Variants in LRP1B observed in about 807,000 individuals in gnomAD.
The protein encoded by LRP1B is low-density lipoprotein receptor-related protein 1B.
In LRP1B, 217 loss-of-function variants were observed where a neutral mutation model predicts 556.6. That is an observed-to-expected ratio of 0.39 (90% CI 0.35 to 0.44). LRP1B has a LOEUF of 0.44. LRP1B is among the 20% of genes least tolerant of loss of function. The probability of loss-of-function intolerance (pLI) is 1.00; values close to 1 mark genes in which losing one functional copy is unlikely to be tolerated. For missense variants in LRP1B, 5,053 were observed against 5,620.8 expected (o/e 0.90, Z 3.23); for synonymous variants, 2,047 against 1,865.8 (o/e 1.10, Z -2.50).
chr2:140,713,158 T>C (rs1184923203), intron 37 of LRP1B, among the ~76,000 whole-genome samples: 1 of 152,040 alleles, frequency 6.6e-6, no homozygotes, highest in Non-Finnish European at 1.5e-5. Context: ...GAGTATTTCC[T>C]CTCCAAACTT....
chr2:140,358,858 A>G lies in LRP1B; in HGVS notation c.11220T>C (p.Asp3740=). 3 of 1,609,324 alleles carry G rather than the reference A, an allele frequency of 1.9e-6. No individual in the cohort carries two copies. The highest frequency in any genetic ancestry group is 1.7e-6 in the Non-Finnish European group (2 of 1,176,416). The change falls in exon 73 of 91, where the codon GAT becomes GAC. Residue 3740 remains aspartate (D), a synonymous_variant. Transcript: ENST00000389484. ...CTTCATCTGAATTGTCACCGCATTC[A>G]TCAATCCCATTGCACATTTGCTCCG... ...LQSEQMCNGI[D]ECGDNSDEDH...
chr2:140,983,202 T>G (rs981842400), intron 17 of LRP1B, among the ~76,000 whole-genome samples: 3 of 152,088 alleles, frequency 2.0e-5, no homozygotes, highest in African/African-American at 7.2e-5. Flanking sequence ...CCCTCTGAAC[T>G]ACGAATATGT....
chr2:141,192,091 C>A (rs571791282), intron 6 of LRP1B, among the ~76,000 whole-genome samples: 7 of 151,862 alleles, frequency 4.6e-5, no homozygotes, highest in African/African-American at 1.7e-4. Flanking sequence ...AAGCCAAACA[C>A]TTAGTAACTA....
rs188848150 is a variant in LRP1B, at chr2:141,179,534, C to T, written c.1013+8887G>A. ...ATTATTTTAACATTCCACTGGGGTA[C>T]ATTTTATCTGTAGTTAATGGGTTTA... On this transcript the variant is annotated intron_variant, in intron 7 of 90. Coordinates refer to ENST00000389484, the MANE Select transcript of LRP1B (RefSeq NM_018557.3). Among the ~76,000 whole-genome samples, 80 of 152,084 alleles carry T rather than the reference C, an allele frequency of 5.3e-4. 1 individual carries two copies. The East Asian group carries it at 0.014, about 27-fold the overall frequency.
At chr2:141,197,287 GAAAAACCC>G (rs1418832178) in intron 6 of LRP1B, among the ~76,000 whole-genome samples, 19 of 152,150 alleles carry the variant, frequency 1.2e-4, no homozygotes, top group African/African-American at 4.6e-4. Context: ...AGCCCCACTG[GAAAAACCC>G]TACCTTCATT....
intron 2 of LRP1B, among the ~76,000 whole-genome samples, chr2:141,493,374 G>T (rs933581444): frequency 2.0e-5 from 3 of 152,120 alleles, no homozygotes; most frequent in Non-Finnish European, 4.4e-5. Context: ...GAGATGTCAA[G>T]ATTTTGAAGC....
At chr2:141,637,753 A>G (rs1257220624) in intron 2 of LRP1B, among the ~76,000 whole-genome samples, 1 of 152,148 alleles carries the variant, frequency 6.6e-6, no homozygotes, top group Admixed American at 6.5e-5. Flanking sequence ...TGATGTTTGG[A>G]TGTTTGCCCT....
intron 41 of LRP1B, among the ~76,000 whole-genome samples, chr2:140,622,053 A>C (rs1270815331): frequency 1.3e-5 from 2 of 152,204 alleles, no homozygotes; most frequent in Non-Finnish European, 2.9e-5. Flanking sequence ...TTCTCATTCA[A>C]TTTATTTACT....
chr2:140,907,757 TA>T, intron 22 of LRP1B, 119 bp downstream of exon 22: 1 of 898,396 alleles, frequency 1.1e-6, no homozygotes, highest in Non-Finnish European at 1.8e-6. Context: ...GGTTCAATGC[TA>T]AAAGCTACAT....
intron 24 of LRP1B, 21 bp downstream of exon 24, chr2:140,886,117 G>A (rs1693631101): frequency 6.9e-7 from 1 of 1,442,590 alleles, no homozygotes; most frequent in Non-Finnish European, 9.4e-7. Flanking sequence ...TAAACATTAA[G>A]AAAAATTATA....
chr2:141,261,792 G>A (rs1372755623), intron 3 of LRP1B, among the ~76,000 whole-genome samples: 4 of 152,036 alleles, frequency 2.6e-5, no homozygotes, highest in African/African-American at 2.4e-5. Context: ...CATTTCACAA[G>A]TAACACACAT....
chr2:141,862,655 C>T (rs1285193777), intron 1 of LRP1B, among the ~76,000 whole-genome samples: 1 of 152,218 alleles, frequency 6.6e-6, no homozygotes, highest in Non-Finnish European at 1.5e-5. Flanking sequence ...GATCCACCTG[C>T]ATTGGCCTCC....
chr2:141,670,234 G>A lies in LRP1B; in HGVS notation c.205+140045C>T, dbSNP rs957175291. ...ATTTGAGCTCCTTGAGGGCTTTAGT[G>A]TCTAATTCATCTCTTTAGCCCACCA... On this transcript the variant is annotated intron_variant, in intron 2 of 90. Transcript: ENST00000389484. Among the ~76,000 whole-genome samples the A allele has an allele frequency of 2.6e-5, 4 of 152,096 alleles. No homozygotes were observed. The East Asian group carries it at 5.8e-4, about 22-fold the overall frequency.
chr2:140,384,765 G>A (rs7606534), intron 67 of LRP1B, among the ~76,000 whole-genome samples: 9 of 151,900 alleles, frequency 5.9e-5, no homozygotes, highest in East Asian at 1.9e-4. Context: ...AGTCTTCTGC[G>A]TCTGGGGAAA....
rs554235301 is a variant in LRP1B at position 141,257,058 on chromosome 2, A to G, written c.344-2417T>C. On this transcript the variant is annotated intron_variant, in intron 3 of 90. Transcript: ENST00000389484. ...TAGAAAGTCTCACAAAACCTAAGGA[A>G]GAAGAGTAGTCTATAGAGGCAAGCA... is the stretch of plus-strand genomic sequence containing the variant. Among the ~76,000 whole-genome samples, 3 of 152,200 alleles carry G rather than the reference A, an allele frequency of 2.0e-5. No individual in the cohort carries two copies. In the South Asian group the frequency reaches 6.2e-4, roughly 32 times the overall value.
At chr2:141,076,773 C>T (rs1343931032) in intron 7 of LRP1B, among the ~76,000 whole-genome samples, 1 of 152,176 alleles carries the variant, frequency 6.6e-6, no homozygotes, top group African/African-American at 2.4e-5. Flanking sequence ...AATTCTAAAG[C>T]ACCTGGCCTC....
At position 140,442,613 on chromosome 2, in the gene LRP1B, G is replaced by C; in HGVS notation, c.10305C>G (p.Ser3435Arg). ...EEDERDCPENSCSPDYFQCKT... is the reference protein window; with the variant it reads ...EEDERDCPENRCSPDYFQCKT... ...TACACTGGAAATAGTCTGGAGAACAGCTGTTTTCAGCTTAGAAAGAAAACT... is the reference window on the plus strand; with the variant it reads ...TACACTGGAAATAGTCTGGAGAACACCTGTTTTCAGCTTAGAAAGAAAACT... Residue 3435 changes from serine to arginine, a missense_variant, in exon 66 of 91, where the codon AGC becomes AGG. Physicochemically the swap from Ser to Arg is moderately radical, Grantham distance 110 (BLOSUM62 -1). This residue lies in a region of LRP1B where 262 missense variants were observed against 395.1 expected (regional missense o/e 0.66). Transcript: ENST00000389484. 1 of 1,612,760 alleles carries C rather than the reference G, an allele frequency of 6.2e-7. No homozygotes were observed. Among genetic ancestry groups the C allele is most frequent in the South Asian group, 1.1e-5 (1 of 90,740 alleles).
At chr2:141,046,982 T>C (rs1355205181) in intron 11 of LRP1B, among the ~76,000 whole-genome samples, 6 of 140,012 alleles carry the variant, frequency 4.3e-5, no homozygotes, top group Non-Finnish European at 6.3e-5. Flanking sequence ...CTCAGGAGGC[T>C]GAGGCAAGGG....
At chr2:140,583,171 C>CTTTTCTTTTTTTTTTTTTTTTTTTT (rs1553491151) in intron 43 of LRP1B, among the ~76,000 whole-genome samples, 10 of 48,022 alleles carry the variant, frequency 2.1e-4, no homozygotes, top group African/African-American at 6.2e-4. Context: ...CCTTTTTTTT[C>CTTTTCTTTTTTTTTTTTTTTTTTTT]TTTTTTTTTT....
Sources: allele counts gnomAD v4.1 joint callset (sites outside exome capture counted in the v4.1 genomes callset), GRCh38; gene constraint gnomAD v4.1.1; regional missense constraint gnomAD v4.1.1; transcripts MANE v1.5; gene names NCBI Gene and HGNC (gene_info 2026-07-23, HGNC 2026-07-21).